Variants in LSAMP observed in about 807,000 individuals in gnomAD.
The protein encoded by LSAMP is limbic system-associated membrane protein.
LSAMP carries 7 observed loss-of-function variants against 38.6 expected under a neutral mutation model. That is an observed-to-expected ratio of 0.18 (90% confidence interval 0.10 to 0.34). The LOEUF (loss-of-function observed/expected upper bound fraction) is 0.34. Among genes scored for constraint, LSAMP ranks in the 10% least tolerant of loss-of-function variants. The pLI is 1.00. For missense variants in LSAMP, 313 were observed against 420.0 expected (o/e 0.75, Z 2.23); for synonymous variants, 154 against 166.8 (o/e 0.92, Z 0.59).
intron 1 of LSAMP, among the ~76,000 whole-genome samples, chr3:116,300,561 C>T (rs2047392486): frequency 1.3e-5 from 2 of 152,208 alleles, no homozygotes; most frequent in Admixed American, 1.3e-4. Context: ...GTCAGATCAG[C>T]AGCAGCATTA....
chr3:116,135,675 C>A (rs1709231841), intron 1 of LSAMP, among the ~76,000 whole-genome samples: 1 of 152,164 alleles, frequency 6.6e-6, no homozygotes, highest in South Asian at 2.1e-4. Flanking sequence ...TGACCACCAA[C>A]TCCCTGTCAA....
chr3:116,201,487 A>T (rs190503426), intron 1 of LSAMP, among the ~76,000 whole-genome samples: 10 of 152,186 alleles, frequency 6.6e-5, no homozygotes, highest in Admixed American at 2.6e-4. Flanking sequence ...TGGCTGGCAG[A>T]GTGCCCCAGT....
At chr3:116,216,823 GA>G (rs1473733121) in intron 1 of LSAMP, among the ~76,000 whole-genome samples, 5 of 152,170 alleles carry the variant, frequency 3.3e-5, no homozygotes, top group African/African-American at 1.2e-4. Flanking sequence ...TGCTTTACTT[GA>G]TGGGGAAAGG....
chr3:115,915,726 G>A (rs922199630), intron 3 of LSAMP, among the ~76,000 whole-genome samples: 5 of 151,742 alleles, frequency 3.3e-5, no homozygotes, highest in African/African-American at 1.2e-4. Context: ...TCCGCCTCCC[G>A]GGTTCAAGCG....
At chr3:116,336,893 G>A (rs1156649644) in intron 1 of LSAMP, among the ~76,000 whole-genome samples, 3 of 151,768 alleles carry the variant, frequency 2.0e-5, no homozygotes, top group Non-Finnish European at 4.4e-5. Context: ...AGCAATGCAA[G>A]TGTTCATTAA....
At chr3:115,941,667 C>T (rs748546976) in intron 3 of LSAMP, among the ~76,000 whole-genome samples, 8 of 151,944 alleles carry the variant, frequency 5.3e-5, no homozygotes, top group South Asian at 2.1e-4. Context: ...TGAAACTAGA[C>T]GACATTATGC....
intron 1 of LSAMP, among the ~76,000 whole-genome samples, chr3:116,352,565 T>C (rs1386557215): frequency 6.6e-6 from 1 of 152,072 alleles, no homozygotes; most frequent in African/African-American, 2.4e-5. Flanking sequence ...AGTTTTGTGC[T>C]CTAATGTGGA....
chr3:116,315,553 C>A (rs1460282163), intron 1 of LSAMP, among the ~76,000 whole-genome samples: 3 of 152,110 alleles, frequency 2.0e-5, no homozygotes, highest in Non-Finnish European at 4.4e-5. Context: ...AAGACAGTAG[C>A]CTGCCTTTAA....
intron 1 of LSAMP, among the ~76,000 whole-genome samples, chr3:116,216,846 C>T (rs945244774): frequency 6.6e-6 from 1 of 152,152 alleles, no homozygotes; most frequent in Non-Finnish European, 1.5e-5. Flanking sequence ...GAGAAATAAA[C>T]TACTTTGGAA....
At chr3:116,416,834 C>A (rs1400025194) in intron 1 of LSAMP, among the ~76,000 whole-genome samples, 1 of 151,918 alleles carries the variant, frequency 6.6e-6, no homozygotes, top group African/African-American at 2.4e-5. Context: ...TTTGTGTCCT[C>A]AACATTTAGC....
intron 1 of LSAMP, among the ~76,000 whole-genome samples, chr3:116,086,863 C>T (rs1056342452): frequency 6.6e-6 from 1 of 152,168 alleles, no homozygotes; most frequent in African/African-American, 2.4e-5. Context: ...AAAGGCCACT[C>T]ACTCAGAACT....
At chr3:116,374,893 T>C (rs544164107) in intron 1 of LSAMP, among the ~76,000 whole-genome samples, 3 of 151,960 alleles carry the variant, frequency 2.0e-5, no homozygotes, top group African/African-American at 7.2e-5. Flanking sequence ...AATGAGGAAA[T>C]GGTGATAAAT....
chr3:115,963,753 G>C (rs1300456995), intron 3 of LSAMP, among the ~76,000 whole-genome samples: 1 of 151,976 alleles, frequency 6.6e-6, no homozygotes, highest in South Asian at 2.1e-4. Context: ...CTTTAATGTT[G>C]GTTTATTTAT....
At chr3:116,176,834 G>A (rs1281209368) in intron 1 of LSAMP, among the ~76,000 whole-genome samples, 1 of 152,128 alleles carries the variant, frequency 6.6e-6, no homozygotes, top group Non-Finnish European at 1.5e-5. Context: ...AATGGCATGA[G>A]CATTAAATAA....
intron 3 of LSAMP, among the ~76,000 whole-genome samples, chr3:115,981,207 A>T (rs910344293): frequency 6.6e-6 from 1 of 152,206 alleles, no homozygotes; most frequent in African/African-American, 2.4e-5. Flanking sequence ...GAAAATTTGG[A>T]TAGGGCTAAA....
At chr3:115,817,944 CATCTT>C (rs1378625020) in intron 6 of LSAMP, among the ~76,000 whole-genome samples, 18 of 152,072 alleles carry the variant, frequency 1.2e-4, no homozygotes, top group African/African-American at 4.1e-4. Context: ...CGAGCTTTGA[CATCTT>C]TTCTTTAGGA....
At chr3:116,303,003 T>C (rs2047435021) in intron 1 of LSAMP, among the ~76,000 whole-genome samples, 1 of 152,212 alleles carries the variant, frequency 6.6e-6, no homozygotes, top group Admixed American at 6.5e-5. Flanking sequence ...CCATCAGTGA[T>C]TCTAAGTTCT....
At chr3:115,940,688 G>A (rs1937889600) in intron 3 of LSAMP, among the ~76,000 whole-genome samples, 1 of 152,010 alleles carries the variant, frequency 6.6e-6, no homozygotes, top group African/African-American at 2.4e-5. Context: ...GTGTATTCTT[G>A]TTGTCCTTGT....
chr3:115,920,783 G>A (rs1937364187), intron 3 of LSAMP, among the ~76,000 whole-genome samples: 7 of 151,994 alleles, frequency 4.6e-5, no homozygotes, highest in Admixed American at 4.6e-4. Flanking sequence ...ATTATTTTAA[G>A]TGGAGTATTG....
Sources: allele counts gnomAD v4.1 joint callset (sites outside exome capture counted in the v4.1 genomes callset), GRCh38; gene constraint gnomAD v4.1.1; transcripts MANE v1.5; gene names NCBI Gene and HGNC (gene_info 2026-07-23, HGNC 2026-07-21).